The following P2RY12 variants were observed in gnomAD, a reference collection of about 807,000 sequenced individuals.
P2RY12 encodes the protein P2Y purinoceptor 12.
In P2RY12, 3 loss-of-function variants were observed where a neutral mutation model predicts 4.5. The ratio of observed to expected loss-of-function variants is 0.67; its 90% CI spans 0.31 to 1.74. P2RY12 has a LOEUF of 1.74. P2RY12 is among the 40% of genes most tolerant of loss of function. P2RY12 has a pLI of 0.09. For missense variants in P2RY12, 356 were observed against 407.8 expected (o/e 0.87, Z 1.09); for synonymous variants, 148 against 154.1 (o/e 0.96, Z 0.29).
At chr3:151,365,133 A>G (rs1350040897) in intron 1 of P2RY12, 2 of 1,613,960 alleles carry the variant, frequency 1.2e-6, no homozygotes, top group Non-Finnish European at 1.7e-6. Flanking sequence ...CCTCAGTGAC[A>G]ATGCGGCCAA....
intron 1 of P2RY12, among the ~76,000 whole-genome samples, chr3:151,359,422 A>C (rs1351658821): frequency 6.6e-6 from 1 of 152,074 alleles, no homozygotes; most frequent in Non-Finnish European, 1.5e-5. Flanking sequence ...AGGGTTTGGG[A>C]TACTACATTG....
rs2149929354 is a variant in P2RY12 at position 151,338,033 on chromosome 3, A to G, written c.813T>C (p.Thr271=). 10 of 1,614,172 alleles carry G rather than the reference A, an allele frequency of 6.2e-6. No individual in the cohort carries two copies. Among genetic ancestry groups the G allele is most frequent in the Non-Finnish European group, 6.8e-6 (8 of 1,180,006 alleles). Residue 271 remains threonine, a synonymous_variant, in exon 3 of 3, where the codon ACT becomes ACC. Transcript: ENST00000302632. The part of the protein sequence containing the change: ...LSQTRDVFDC[T]AENTLFYVKE... ...TCACATAGAACAGAGTATTTTCAGC[A>G]GTGCAGTCAAAGACATCCCGGGTTT...
At position 151,338,618 on chromosome 3, in the gene P2RY12, A is replaced by G. The variant is rs750248532; in HGVS notation, c.228T>C (p.Thr76=). ...TVISDLLMIL[T]FPFKILSDAK... is the part of the protein sequence containing the mutation. Reference sequence around the variant, plus strand: ...CATCACTAAGAATTTTGAATGGAAAAGTCAGAATCATGAGAAGATCAGAAA... The same window carrying G: ...CATCACTAAGAATTTTGAATGGAAAGGTCAGAATCATGAGAAGATCAGAAA... The change falls in exon 3 of 3, where the codon ACT becomes ACC. Residue 76 remains threonine, a synonymous_variant. Coordinates refer to ENST00000302632, the MANE Select transcript of P2RY12 (RefSeq NM_022788.5). 1.2e-6 allele frequency: 2 copies of G among 1,613,958 alleles called. No homozygotes were observed. Among genetic ancestry groups the G allele is most frequent in the South Asian group, 1.1e-5 (1 of 91,080 alleles).
chr3:151,344,357 T>G (rs536634855), intron 1 of P2RY12, among the ~76,000 whole-genome samples: 9 of 152,270 alleles, frequency 5.9e-5, no homozygotes, highest in African/African-American at 2.2e-4. Flanking sequence ...CTCATCCATG[T>G]GCACACCCAT....
chr3:151,380,398 A>C (rs1712052541), intron 1 of P2RY12, among the ~76,000 whole-genome samples: 1 of 152,100 alleles, frequency 6.6e-6, no homozygotes, highest in Non-Finnish European at 1.5e-5. Context: ...GGAGTTCGAG[A>C]CCAGCCTGGC....
intron 1 of P2RY12, among the ~76,000 whole-genome samples, chr3:151,366,923 A>C (rs542038165): frequency 1.3e-5 from 2 of 152,260 alleles, no homozygotes; most frequent in African/African-American, 4.8e-5. Context: ...TGGAATTAAT[A>C]ATAGTGTGAA....
chr3:151,350,844 T>C (rs549125978), intron 1 of P2RY12, among the ~76,000 whole-genome samples: 2 of 152,382 alleles, frequency 1.3e-5, no homozygotes, highest in South Asian at 2.1e-4. Context: ...TGTGCCTTTA[T>C]GTTGTATCAC....
chr3:151,376,245 T>C (rs1756838198), intron 1 of P2RY12: 1 of 1,350,426 alleles, frequency 7.4e-7, no homozygotes. Context: ...GTTTCTGTCA[T>C]TTGATAAATT....
At chr3:151,366,639 A>G (rs573504760) in intron 1 of P2RY12, among the ~76,000 whole-genome samples, 1 of 152,218 alleles carries the variant, frequency 6.6e-6, no homozygotes, top group South Asian at 2.1e-4. Context: ...GTCGTACACT[A>G]GTATCTCTTA....
chr3:151,375,970 C>CATATATATATATATATATATATATAT (rs148538586), intron 1 of P2RY12: 257 of 812,838 alleles, frequency 3.2e-4, no homozygotes, highest in Middle Eastern at 1.3e-3. Flanking sequence ...GTACATATTG[C>CATATATATATATATATATATATATAT]ATATATATAT....
At chr3:151,345,791 A>G (rs1184863567) in intron 1 of P2RY12, among the ~76,000 whole-genome samples, 2 of 152,148 alleles carry the variant, frequency 1.3e-5, no homozygotes, top group Admixed American at 6.6e-5. Context: ...TGCTGGGATT[A>G]TAGATGTGAG....
chr3:151,381,578 T>A (rs1712352208), intron 1 of P2RY12, among the ~76,000 whole-genome samples: 1 of 152,188 alleles, frequency 6.6e-6, no homozygotes, highest in Non-Finnish European at 1.5e-5. Context: ...TTCCAGAGAT[T>A]AGCATGGCCT....
intron 1 of P2RY12, among the ~76,000 whole-genome samples, chr3:151,380,719 T>G (rs1712148072): frequency 3.3e-5 from 5 of 152,192 alleles, no homozygotes; most frequent in Admixed American, 3.3e-4. Context: ...CAACTTTATA[T>G]TAATGAGATA....
intron 1 of P2RY12, among the ~76,000 whole-genome samples, chr3:151,344,911 C>T (rs1752345343): frequency 6.6e-6 from 1 of 152,274 alleles, no homozygotes; most frequent in African/African-American, 2.4e-5. Flanking sequence ...TTTGTCAACA[C>T]ATACACATTT....
intron 1 of P2RY12, chr3:151,377,060 C>T (rs748973728): frequency 6.2e-7 from 1 of 1,613,962 alleles, no homozygotes; most frequent in Non-Finnish European, 8.5e-7. Context: ...AGAGGTATTC[C>T]AGCAGTCTGC....
intron 1 of P2RY12, among the ~76,000 whole-genome samples, chr3:151,359,725 G>C (rs1268202795): frequency 2.6e-5 from 4 of 152,068 alleles, no homozygotes; most frequent in Non-Finnish European, 5.9e-5. Context: ...TCTGTCATCT[G>C]TGACTCCGTT....
intron 1 of P2RY12, among the ~76,000 whole-genome samples, chr3:151,362,125 A>G (rs956046787): frequency 2.0e-5 from 3 of 151,734 alleles, no homozygotes; most frequent in Admixed American, 6.6e-5. Context: ...CCCATTCTTC[A>G]CCCTCTCTTT....
chr3:151,351,568 T>C (rs1753242673), intron 1 of P2RY12, among the ~76,000 whole-genome samples: 1 of 152,196 alleles, frequency 6.6e-6, no homozygotes, highest in East Asian at 1.9e-4. Context: ...TGGTGTTTTC[T>C]CTGTCTTAGA....
Position 151,344,463 on chromosome 3 carries a change from T to C in P2RY12, c.-179-3703A>G, listed in dbSNP as rs560823233. Among the ~76,000 whole-genome samples, 13 of 152,280 alleles carry C rather than the reference T, an allele frequency of 8.5e-5. No homozygotes were observed. The South Asian group carries it at 2.7e-3, about 32-fold the overall frequency. ...AGCATGGTATATTGAAAGATACAGC[T>C]GAAAGAAATAGTGTTTTAAGGCATC... is the stretch of plus-strand genomic sequence containing the variant. On this transcript the variant is annotated intron_variant, in intron 1 of 2. Coordinates refer to ENST00000302632, the MANE Select transcript of P2RY12 (RefSeq NM_022788.5).
Sources: allele counts gnomAD v4.1 joint callset (sites outside exome capture counted in the v4.1 genomes callset), GRCh38; gene constraint gnomAD v4.1.1; transcripts MANE v1.5; gene names NCBI Gene and HGNC (gene_info 2026-07-23, HGNC 2026-07-21).